The following RC3H1 variants were observed in gnomAD, a reference collection of about 807,000 sequenced individuals.
The protein encoded by RC3H1 is roquin-1.
In RC3H1, 50 loss-of-function variants were observed where a neutral mutation model predicts 138.2. The observed-to-expected ratio is 0.36, with a 90% CI of 0.29 to 0.46. The LOEUF (loss-of-function observed/expected upper bound fraction) is 0.46, where lower values mean the gene tolerates loss of function less well. Among genes scored for constraint, RC3H1 ranks in the 20% least tolerant of loss-of-function variants. The probability of loss-of-function intolerance (pLI) is 1.00; values close to 1 mark genes in which losing one functional copy is unlikely to be tolerated. For missense variants in RC3H1, 1,031 were observed against 1,388.1 expected, an observed-to-expected ratio of 0.74 and a Z score of 4.09; for synonymous variants, 462 against 489.1, an observed-to-expected ratio of 0.94 and a Z score of 0.73.
At chr1:173,989,546 T>C (rs1661174778) in intron 2 of RC3H1, among the ~76,000 whole-genome samples, 2 of 152,090 alleles carry the variant, frequency 1.3e-5, no homozygotes, top group Non-Finnish European at 2.9e-5. Context: ...TATCTTTTTC[T>C]TTTGTTCCTT....
chr1:173,980,553 G>A (rs1660771734), intron 6 of RC3H1, among the ~76,000 whole-genome samples: 1 of 151,514 alleles, frequency 6.6e-6, no homozygotes, highest in South Asian at 2.1e-4. Flanking sequence ...ATGTAGAGTG[G>A]TCTCTAGAGT....
intron 12 of RC3H1, among the ~76,000 whole-genome samples, 155 bp from the exon 13 acceptor site, chr1:173,961,399 AC>A (rs1659869207): frequency 6.6e-6 from 1 of 151,862 alleles, no homozygotes; most frequent in Non-Finnish European, 1.5e-5. Context: ...GTAAAACAAA[AC>A]CCCCCAAACT....
intron 7 of RC3H1, among the ~76,000 whole-genome samples, chr1:173,973,388 T>C (rs1660446191): frequency 1.3e-5 from 2 of 152,014 alleles, no homozygotes; most frequent in South Asian, 4.2e-4. Context: ...ATACAAAAAT[T>C]ACCCAGGCAT....
chr1:174,011,336 G>A (rs778945859), intron 1 of RC3H1, among the ~76,000 whole-genome samples: 57 of 151,798 alleles, frequency 3.8e-4, no homozygotes, highest in Non-Finnish European at 7.2e-4. Context: ...AACTTAATGA[G>A]AGGCTAGATT....
chr1:174,008,209 A>G (rs970546409), intron 1 of RC3H1, among the ~76,000 whole-genome samples: 2 of 152,186 alleles, frequency 1.3e-5, no homozygotes, highest in East Asian at 1.9e-4. Flanking sequence ...TGCATTAAAA[A>G]CCTAGTATAT....
In RC3H1 at chr1:173,938,634, G is replaced by T. The variant is rs1324052845; in HGVS notation, c.*87C>A. 1 of 1,032,568 alleles carries T rather than the reference G, an allele frequency of 9.7e-7. No homozygotes were observed. The highest frequency in any genetic ancestry group is 1.6e-5 in the African/African-American group (1 of 61,784). 64.0% of individuals were successfully genotyped at this position (1,032,568 alleles called of 1,614,324 possible). A position where few individuals can be genotyped will look rare whatever the true frequency, so the allele number is the denominator to read the frequency against. On this transcript the variant is annotated 3_prime_UTR_variant, in exon 20 of 20. Transcript: ENST00000367696. ...TGGATTTCTCTGACCGCTCTTAAGA[G>T]AAAAAGTTTAGAAGTTATGCGTTCT...
intron 1 of RC3H1, among the ~76,000 whole-genome samples, chr1:174,010,981 G>A (rs143006313): frequency 6.6e-6 from 1 of 152,224 alleles, no homozygotes; most frequent in African/African-American, 2.4e-5. Flanking sequence ...GGGAATAGGT[G>A]CTACCACTTC....
Position 173,970,559 on chromosome 1 carries a change from C to T in RC3H1, c.1280G>A (p.Gly427Glu). The change falls in exon 9 of 20, where the codon GGA becomes GAA. Residue 427 changes from glycine to glutamate, a missense_variant. Physicochemically the swap from Gly to Glu is moderately conservative, Grantham distance 98. Coordinates refer to ENST00000367696, the MANE Select transcript of RC3H1 (RefSeq NM_172071.4). The part of the protein sequence containing the change: ...YMCRDMKQRG[G>E]CPRGASCTFA... ...TGTACAGCTGGCCCCACGAGGGCAT[C>T]CTCCTCTCTGCTTCATATCTCGACA... is the stretch of plus-strand genomic sequence containing the variant. 1 of 1,613,976 alleles carries T rather than the reference C, an allele frequency of 6.2e-7. No homozygotes were observed. The highest frequency in any genetic ancestry group is 2.2e-5 in the East Asian group (1 of 44,842).
intron 18 of RC3H1, 32 bp downstream of exon 18, chr1:173,943,410 C>A: frequency 6.4e-7 from 1 of 1,555,802 alleles, no homozygotes; most frequent in Non-Finnish European, 8.8e-7. Flanking sequence ...TTTCATTTCA[C>A]CTTCCCTCTC....
At chr1:173,961,556 T>C (rs1659874500) in intron 12 of RC3H1, among the ~76,000 whole-genome samples, 169 bp downstream of exon 12, 2 of 137,496 alleles carry the variant, frequency 1.5e-5, no homozygotes, top group African/African-American at 6.5e-5. Context: ...TTTCTCATTA[T>C]ATAGTTTAAA....
At chr1:173,989,013 G>A (rs1369451778) in intron 2 of RC3H1, among the ~76,000 whole-genome samples, 1 of 152,044 alleles carries the variant, frequency 6.6e-6, no homozygotes. Context: ...CTTTCTTGTT[G>A]GTATCTTTGT....
intron 2 of RC3H1, among the ~76,000 whole-genome samples, chr1:173,985,461 T>C (rs1280028285): frequency 1.3e-5 from 2 of 152,206 alleles, no homozygotes; most frequent in African/African-American, 4.8e-5. Context: ...TTCTACTCAT[T>C]ATCTTTTTTT....
At chr1:173,980,512 C>T (rs988536954) in intron 6 of RC3H1, among the ~76,000 whole-genome samples, 5 of 151,516 alleles carry the variant, frequency 3.3e-5, no homozygotes, top group African/African-American at 1.2e-4. Flanking sequence ...TTAGGTTACT[C>T]TTACTATTTG....
At chr1:173,955,225 C>CAAA (rs560354496) in intron 13 of RC3H1, among the ~76,000 whole-genome samples, 9 of 60,798 alleles carry the variant, frequency 1.5e-4, no homozygotes, top group African/African-American at 3.6e-4. Context: ...AACTCTGTCA[C>CAAA]AAAAAAAAAA....
intron 1 of RC3H1, among the ~76,000 whole-genome samples, chr1:174,017,522 G>T (rs1661881505): frequency 6.6e-6 from 1 of 152,114 alleles, no homozygotes; most frequent in East Asian, 1.9e-4. Context: ...GCTCAAATTA[G>T]AGACAGAAAG....
intron 13 of RC3H1, among the ~76,000 whole-genome samples, chr1:173,956,297 T>C (rs1659644193): frequency 1.3e-5 from 2 of 152,118 alleles, no homozygotes; most frequent in South Asian, 4.1e-4. Flanking sequence ...TACACAATTG[T>C]CCAAGGAAGA....
Position 173,943,510 on chromosome 1 carries a change from C to A in RC3H1, c.3067G>T (p.Glu1023Ter). Residue 1023 changes from glutamate to a stop codon, truncating the protein, a stop_gained, in exon 18 of 20, where the codon GAG becomes TAG. Transcript: ENST00000367696. LOFTEE classifies it high-confidence loss of function. ...PPKWPGMISS[E>*]QLSLELHQVE... ...TGGTGCAGTTCCAAGCTCAACTGCT[C>A]ACTTGAGATCATCCCAGGCCATTTT... is the stretch of plus-strand genomic sequence containing the variant. 1 of 1,614,148 alleles carries A rather than the reference C, an allele frequency of 6.2e-7. No homozygotes were observed.
At chr1:173,999,735 G>C (rs1317736066) in intron 1 of RC3H1, among the ~76,000 whole-genome samples, 1 of 152,130 alleles carries the variant, frequency 6.6e-6, no homozygotes, top group Non-Finnish European at 1.5e-5. Context: ...TCCACAATGT[G>C]GACTACCACC....
At position 173,931,827 on chromosome 1, in the gene RC3H1, T is replaced by TA. The variant is rs1477628798; in HGVS notation, c.*6893dup. 1.3e-5 allele frequency: 2 copies of TA among 152,268 alleles called. No individual in the cohort carries two copies. The highest frequency in any genetic ancestry group is 1.3e-4 in the Admixed American group (2 of 15,294). The allele number at this position is 152,268 out of a possible 1,614,324, so 9.4% of individuals were successfully genotyped here. On this transcript the variant is annotated 3_prime_UTR_variant, in exon 20 of 20. Coordinates refer to ENST00000367696, the MANE Select transcript of RC3H1 (RefSeq NM_172071.4). ...ACCTATTTGTCTTCACTTCTCTTTT[T>TA]AAAGTTGGAAACACTTGGAAAAAGT...
Sources: allele counts gnomAD v4.1 joint callset (sites outside exome capture counted in the v4.1 genomes callset), GRCh38; gene constraint gnomAD v4.1.1; transcripts MANE v1.5; gene names NCBI Gene and HGNC (gene_info 2026-07-23, HGNC 2026-07-21).